Variants in CDH13 observed in about 807,000 individuals in gnomAD.
CDH13 encodes the protein cadherin 13.
A neutral mutation model predicts 63.8 loss-of-function variants in CDH13; 24 were observed. That is an observed-to-expected ratio of 0.38 (90% CI 0.27 to 0.53). CDH13 has a LOEUF of 0.53. CDH13 is among the 20% of genes least tolerant of loss of function. The pLI, the probability that CDH13 is intolerant of heterozygous loss-of-function variation, is 0.85. For missense variants in CDH13, 1,049 were observed against 903.1 expected, an observed-to-expected ratio of 1.16 and a Z score of -2.07; for synonymous variants, 503 against 355.3, an observed-to-expected ratio of 1.42 and a Z score of -4.67.
At chr16:83,002,430 C>G (rs1913036958) in intron 2 of CDH13, among the ~76,000 whole-genome samples, 2 of 152,162 alleles carry the variant, frequency 1.3e-5, no homozygotes, top group Non-Finnish European at 2.9e-5. Flanking sequence ...GTGGTCCCAT[C>G]AACATCTTGA....
In CDH13 at chr16:83,164,253, A is replaced by G. The variant is rs2037566207; in HGVS notation, c.483+38752A>G. ...ATTAACTTAATTTTCCATTGTGAAC[A>G]CTGAAGGTTGGACAGATTCAATGTC... On this transcript the variant is annotated intron_variant, in intron 4 of 13. Transcript: ENST00000567109. Among the ~76,000 whole-genome samples the G allele has an allele frequency of 2.0e-5, 3 of 152,048 alleles. No homozygotes were observed. The South Asian group carries it at 6.2e-4, about 32-fold the overall frequency.
At chr16:83,700,020 G>A (rs755998524) in intron 10 of CDH13, among the ~76,000 whole-genome samples, 23 of 152,122 alleles carry the variant, frequency 1.5e-4, no homozygotes, top group Admixed American at 2.0e-4. Context: ...GATCTAGATC[G>A]TGCATGTGTC....
At chr16:83,020,998 T>C (rs571898184) in intron 2 of CDH13, among the ~76,000 whole-genome samples, 2 of 152,324 alleles carry the variant, frequency 1.3e-5, no homozygotes, top group African/African-American at 4.8e-5. Context: ...AAGGAGACTT[T>C]TACACATAAT....
intron 8 of CDH13, among the ~76,000 whole-genome samples, chr16:83,607,224 C>A (rs1431029697): frequency 6.6e-6 from 1 of 152,106 alleles, no homozygotes; most frequent in Non-Finnish European, 1.5e-5. Flanking sequence ...TCGAGACCAA[C>A]CTGACCAATA....
chr16:82,679,267 A>G (rs1033724072), intron 1 of CDH13, among the ~76,000 whole-genome samples: 2 of 152,196 alleles, frequency 1.3e-5, no homozygotes, highest in African/African-American at 4.8e-5. Flanking sequence ...CTGTCTGATC[A>G]TATACCTGGG....
intron 1 of CDH13, among the ~76,000 whole-genome samples, chr16:82,762,344 C>T (rs1200219934): frequency 6.6e-6 from 1 of 152,130 alleles, no homozygotes; most frequent in Non-Finnish European, 1.5e-5. Context: ...GAAAATTATT[C>T]AAGCTTGTAC....
chr16:83,013,772 C>T (rs747162182), intron 2 of CDH13, among the ~76,000 whole-genome samples: 7 of 152,004 alleles, frequency 4.6e-5, no homozygotes, highest in East Asian at 1.9e-4. Context: ...TGTGCTAGTG[C>T]GAGAGATACA....
intron 7 of CDH13, among the ~76,000 whole-genome samples, chr16:83,507,127 C>G (rs1226806338): frequency 1.3e-5 from 2 of 152,198 alleles, no homozygotes; most frequent in Admixed American, 1.3e-4. Context: ...TGAGCAGCCC[C>G]TCCTCTGTGG....
intron 2 of CDH13, among the ~76,000 whole-genome samples, chr16:82,903,940 C>T (rs7206435): frequency 5.9e-5 from 9 of 152,070 alleles, no homozygotes; most frequent in Non-Finnish European, 1.2e-4. Flanking sequence ...GTCTGTCTGT[C>T]TGCTTCTCTG....
intron 4 of CDH13, among the ~76,000 whole-genome samples, chr16:83,148,488 T>A (rs2036844536): frequency 6.6e-6 from 1 of 152,220 alleles, no homozygotes; most frequent in African/African-American, 2.4e-5. Flanking sequence ...GCCCTGCCAT[T>A]CACCAGCCAG....
intron 3 of CDH13, among the ~76,000 whole-genome samples, chr16:83,077,781 G>A (rs1429202973): frequency 6.6e-6 from 1 of 152,166 alleles, no homozygotes; most frequent in African/African-American, 2.4e-5. Flanking sequence ...TATCAGAAGT[G>A]TTCACTTATT....
intron 4 of CDH13, among the ~76,000 whole-genome samples, chr16:83,176,328 G>T (rs8059349): frequency 0.026 from 3,954 of 151,734 alleles, 150 homozygotes; most frequent in African/African-American, 0.089. Context: ...TGGGCAACAT[G>T]GTGAAACCCT....
At chr16:83,622,361 A>G (rs943781411) in intron 8 of CDH13, among the ~76,000 whole-genome samples, 1 of 152,200 alleles carries the variant, frequency 6.6e-6, no homozygotes, top group African/African-American at 2.4e-5. Context: ...TTCCGGCCCC[A>G]TGGGATTCCG....
intron 6 of CDH13, among the ~76,000 whole-genome samples, chr16:83,455,264 G>T (rs1334986991): frequency 6.6e-6 from 1 of 152,250 alleles, no homozygotes; most frequent in South Asian, 2.1e-4. Flanking sequence ...AACTGGCAAG[G>T]CCCAAGAGAT....
chr16:83,069,736 C>G lies in CDH13; in HGVS notation c.366+37518C>G, dbSNP rs542799564. On this transcript the variant is annotated intron_variant, in intron 3 of 13. Coordinates refer to ENST00000567109, the MANE Select transcript of CDH13 (RefSeq NM_001257.5). ...GGCTCTCCCCAAAGGCTCACTCTGA[C>G]ACCCATTCCAGTGCTAACCCTGTTC... 2.0e-5 allele frequency among the ~76,000 whole-genome samples: 3 copies of G among 152,286 alleles called. No individual in the cohort carries two copies. In the East Asian group the frequency reaches 5.8e-4, roughly 29 times the overall value.
chr16:83,088,016 G>A (rs2033700114), intron 3 of CDH13, among the ~76,000 whole-genome samples: 1 of 152,162 alleles, frequency 6.6e-6, no homozygotes, highest in Non-Finnish European at 1.5e-5. Flanking sequence ...TTTGGAAATG[G>A]TACAAGTATT....
At chr16:83,336,064 C>A (rs750701811) in intron 5 of CDH13, among the ~76,000 whole-genome samples, 22 of 151,884 alleles carry the variant, frequency 1.4e-4, no homozygotes, top group Non-Finnish European at 3.2e-4. Context: ...ACTTTGGGTG[C>A]CTGAGGTGGG....
chr16:83,743,209 AAAAAT>A (rs113675648), intron 10 of CDH13, among the ~76,000 whole-genome samples: 1 of 152,160 alleles, frequency 6.6e-6, no homozygotes, highest in Non-Finnish European at 1.5e-5. Flanking sequence ...CTCCGTCTCA[AAAAAT>A]AAAATAAAAT....
intron 5 of CDH13, among the ~76,000 whole-genome samples, chr16:83,323,852 A>T (rs1009744264): frequency 6.6e-6 from 1 of 152,096 alleles, no homozygotes; most frequent in Non-Finnish European, 1.5e-5. Context: ...GATCTTCGAA[A>T]ATTCAAATCT....
Sources: allele counts gnomAD v4.1 joint callset (sites outside exome capture counted in the v4.1 genomes callset), GRCh38; gene constraint gnomAD v4.1.1; transcripts MANE v1.5; gene names NCBI Gene and HGNC (gene_info 2026-07-23, HGNC 2026-07-21).